Variants in EYA1 observed in about 807,000 individuals in gnomAD.
The protein encoded by EYA1 is EYA transcriptional coactivator and phosphatase 1, also known as protein phosphatase EYA1.
EYA1 carries 16 observed loss-of-function variants against 82.0 expected under a neutral mutation model. That is an observed-to-expected ratio of 0.20 (90% CI 0.13 to 0.30). The LOEUF is 0.30. EYA1 is among the 10% of genes least tolerant of loss of function. EYA1 has a pLI of 1.00. For missense variants in EYA1, 633 were observed against 730.7 expected (o/e 0.87, Z 1.54); for synonymous variants, 261 against 264.4 (o/e 0.99, Z 0.12).
At chr8:71,285,644 T>C (rs1253977315) in intron 9 of EYA1, among the ~76,000 whole-genome samples, 1 of 152,216 alleles carries the variant, frequency 6.6e-6, no homozygotes, top group East Asian at 1.9e-4. Context: ...GAGACTACAG[T>C]TATATGAAAA....
At chr8:71,470,226 A>C (rs1369850356) in intron 2 of EYA1, among the ~76,000 whole-genome samples, 1 of 152,058 alleles carries the variant, frequency 6.6e-6, no homozygotes, top group African/African-American at 2.4e-5. Flanking sequence ...TTCCAGTAGG[A>C]TTTTAAAGAA....
At chr8:71,313,333 T>G (rs1321603962) in intron 7 of EYA1, among the ~76,000 whole-genome samples, 1 of 152,198 alleles carries the variant, frequency 6.6e-6, no homozygotes, top group Non-Finnish European at 1.5e-5. Flanking sequence ...TTCTCTTTCA[T>G]GTCTAAAATA....
chr8:71,289,751 G>A (rs1818791533), intron 9 of EYA1, among the ~76,000 whole-genome samples: 1 of 152,190 alleles, frequency 6.6e-6, no homozygotes, highest in Admixed American at 6.5e-5. Context: ...ACAGTGCTTA[G>A]AACAATACCT....
chr8:71,244,402 T>C (rs1812830118), intron 12 of EYA1, among the ~76,000 whole-genome samples: 1 of 152,244 alleles, frequency 6.6e-6, no homozygotes, highest in South Asian at 2.1e-4. Flanking sequence ...CTACTGGTCA[T>C]GTAGGATCTA....
chr8:71,456,094 T>C (rs188520723), intron 2 of EYA1, among the ~76,000 whole-genome samples: 1 of 150,774 alleles, frequency 6.6e-6, no homozygotes, highest in Non-Finnish European at 1.5e-5. Context: ...AAAATCACAA[T>C]CATTCTTATA....
At chr8:71,308,077 A>G (rs1028127009) in intron 7 of EYA1, among the ~76,000 whole-genome samples, 1 of 152,198 alleles carries the variant, frequency 6.6e-6, no homozygotes, top group Non-Finnish European at 1.5e-5. Context: ...CTTCATTCAA[A>G]AAGTAGAGGA....
chr8:71,267,100 A>C (rs1190356590), intron 11 of EYA1, among the ~76,000 whole-genome samples: 1 of 152,198 alleles, frequency 6.6e-6, no homozygotes, highest in African/African-American at 2.4e-5. Flanking sequence ...TAGCTAAAGT[A>C]AAATGTAAAT....
At chr8:71,327,648 A>T (rs1317742714) in intron 4 of EYA1, among the ~76,000 whole-genome samples, 3 of 150,896 alleles carry the variant, frequency 2.0e-5, no homozygotes, top group Non-Finnish European at 4.4e-5. Context: ...CCTTTCTTTC[A>T]CTCTCCCCAC....
intron 2 of EYA1, among the ~76,000 whole-genome samples, chr8:71,511,459 C>G (rs971795225): frequency 6.6e-6 from 1 of 152,066 alleles, no homozygotes; most frequent in Non-Finnish European, 1.5e-5. Context: ...AATATCTTCT[C>G]AAAAAAGATG....
intron 9 of EYA1, among the ~76,000 whole-genome samples, chr8:71,285,141 G>A (rs928519054): frequency 2.6e-5 from 4 of 152,228 alleles, no homozygotes; most frequent in African/African-American, 9.6e-5. Context: ...CCATATGTCA[G>A]TAGGAGAAAC....
chr8:71,478,587 G>A (rs867579657), intron 2 of EYA1, among the ~76,000 whole-genome samples: 2 of 152,170 alleles, frequency 1.3e-5, no homozygotes, highest in Admixed American at 6.5e-5. Context: ...CCTGTGAACA[G>A]CCACTCAGCC....
At chr8:71,389,552 T>C (rs984477848) in intron 2 of EYA1, among the ~76,000 whole-genome samples, 2 of 152,058 alleles carry the variant, frequency 1.3e-5, no homozygotes, top group Non-Finnish European at 2.9e-5. Flanking sequence ...TCAAAAAGGG[T>C]CAATTTAGAG....
chr8:71,292,656 CAATAA>C (rs1412321869), intron 9 of EYA1, among the ~76,000 whole-genome samples: 1 of 151,544 alleles, frequency 6.6e-6, no homozygotes, highest in Non-Finnish European at 1.5e-5. Flanking sequence ...TTTTTCTCTC[CAATAA>C]AATGTTTATA....
intron 2 of EYA1, among the ~76,000 whole-genome samples, chr8:71,513,012 C>CA (rs1812711819): frequency 6.6e-6 from 1 of 152,080 alleles, no homozygotes; most frequent in Non-Finnish European, 1.5e-5. Context: ...CAGTAGCATG[C>CA]AATAACAGAA....
intron 17 of EYA1, among the ~76,000 whole-genome samples, chr8:71,210,717 T>C (rs1188777025): frequency 6.6e-6 from 1 of 152,214 alleles, no homozygotes; most frequent in Non-Finnish European, 1.5e-5. Context: ...GGGCAGCAGA[T>C]AGTTTTATCT....
In EYA1 at chr8:71,513,247, A is replaced by G. The variant is rs540135040; in HGVS notation, c.33+22497T>C. Among the ~76,000 whole-genome samples the G allele has an allele frequency of 3.5e-4, 54 of 152,286 alleles. 1 individual carries two copies. Among genetic ancestry groups the G allele is most frequent in the African/African-American group, 1.3e-3 (53 of 41,584 alleles). On this transcript the variant is annotated intron_variant, in intron 2 of 18. Coordinates refer to the EYA1 transcript ENST00000643681. ...ACTGAAATAGTACAGTATTTCATATACTTAAGATAAAACTATTAGAATTTT... is the reference window on the plus strand; with the variant it reads ...ACTGAAATAGTACAGTATTTCATATGCTTAAGATAAAACTATTAGAATTTT...
chr8:71,228,391 G>T (rs1810805348), intron 12 of EYA1, among the ~76,000 whole-genome samples: 1 of 151,984 alleles, frequency 6.6e-6, no homozygotes, highest in Non-Finnish European at 1.5e-5. Context: ...GGGAGCCCTG[G>T]TGTGCCTGCC....
At chr8:71,247,884 A>T (rs1244385673) in intron 11 of EYA1, among the ~76,000 whole-genome samples, 1 of 152,180 alleles carries the variant, frequency 6.6e-6, no homozygotes, top group Non-Finnish European at 1.5e-5. Context: ...GAATCTTTTT[A>T]TGTGGCAAGG....
At chr8:71,481,929 A>C (rs796077349) in intron 2 of EYA1, among the ~76,000 whole-genome samples, 14 of 152,194 alleles carry the variant, frequency 9.2e-5, no homozygotes, top group African/African-American at 2.9e-4. Flanking sequence ...AGCAAGTTGA[A>C]TCAAACAAAG....
Sources: gnomAD v4.1 joint callset for allele counts (sites outside exome capture counted in the v4.1 genomes callset) on GRCh38, gnomAD v4.1.1 for gene constraint, MANE v1.5 for transcripts, NCBI Gene and HGNC (gene_info 2026-07-23, HGNC 2026-07-21) for gene names.